The following RFT1 variants were observed in gnomAD, a reference collection of about 807,000 sequenced individuals.
RFT1 encodes the protein RFT1 glycolipid translocator homolog, also known as man(5)GlcNAc(2)-PP-dolichol translocation protein RFT1.
A neutral mutation model predicts 62.2 loss-of-function variants in RFT1; 43 were observed. The observed-to-expected ratio is 0.69, with a 90% CI of 0.54 to 0.89. RFT1 has a LOEUF of 0.89. Among genes scored for constraint, RFT1 ranks in the 40% least tolerant of loss-of-function variants. RFT1 has a pLI of 0.00. For missense variants in RFT1, 605 were observed against 649.9 expected (o/e 0.93, Z 0.75); for synonymous variants, 262 against 264.6 (o/e 0.99, Z 0.10).
chr3:53,128,308 A>G (rs540843629), intron 1 of RFT1, among the ~76,000 whole-genome samples: 1 of 152,134 alleles, frequency 6.6e-6, no homozygotes, highest in Non-Finnish European at 1.5e-5. Flanking sequence ...GAAAACAAAA[A>G]ACAAAACACC....
At chr3:53,100,638 CTT>C (rs1229001990) in intron 10 of RFT1, among the ~76,000 whole-genome samples, 1 of 152,178 alleles carries the variant, frequency 6.6e-6, no homozygotes, top group Non-Finnish European at 1.5e-5. Context: ...ATCTCAAAAA[CTT>C]TATATTGAAG....
intron 1 of RFT1, among the ~76,000 whole-genome samples, chr3:53,128,349 T>C (rs888368815): frequency 1.3e-5 from 2 of 152,222 alleles, no homozygotes; most frequent in East Asian, 3.8e-4. Context: ...ACCTCAAAGT[T>C]ACCACTGTCT....
At chr3:53,125,762 G>A (rs751193705) in intron 2 of RFT1, 147 bp downstream of exon 2, 13 of 649,548 alleles carry the variant, frequency 2.0e-5, no homozygotes, top group Non-Finnish European at 3.6e-5. Flanking sequence ...ACTCCTGCAC[G>A]CTTCTCCTCA....
downstream of RFT1, among the ~76,000 whole-genome samples, chr3:53,084,535 A>C (rs1355621938): frequency 6.6e-6 from 1 of 152,154 alleles, no homozygotes; most frequent in Non-Finnish European, 1.5e-5. Flanking sequence ...GTCACCTCCA[A>C]TGTGACTAAT....
intron 6 of RFT1, among the ~76,000 whole-genome samples, chr3:53,118,424 G>T (rs1454268540): frequency 3.3e-5 from 5 of 152,132 alleles, no homozygotes; most frequent in African/African-American, 1.2e-4. Flanking sequence ...TTAGGTTATA[G>T]GTAAAATCTA....
At chr3:53,071,644 A>C in the RFT1 span, among the ~76,000 whole-genome samples, 1 of 152,202 alleles carries the variant, frequency 6.6e-6, no homozygotes, top group Non-Finnish European at 1.5e-5. Flanking sequence ...AGCTCAGCTT[A>C]GACTCAGGCT....
chr3:53,068,190 G>A, the RFT1 span, among the ~76,000 whole-genome samples: 3,124 of 152,224 alleles, frequency 0.021, 42 homozygotes, highest in Middle Eastern at 0.034. Context: ...CACCCAATAT[G>A]AGCCAACCTT....
intron 6 of RFT1, among the ~76,000 whole-genome samples, 181 bp downstream of exon 6, chr3:53,119,703 C>T (rs549251351): frequency 2.0e-5 from 3 of 152,266 alleles, no homozygotes; most frequent in South Asian, 4.1e-4. Context: ...AATTGAGCAG[C>T]CCAAAATGTC....
At chr3:53,122,905 C>T (rs1355885144) in intron 3 of RFT1, among the ~76,000 whole-genome samples, 1 of 152,188 alleles carries the variant, frequency 6.6e-6, no homozygotes, top group Non-Finnish European at 1.5e-5. Context: ...ACATACTGAC[C>T]CCATAAGCAA....
intron 4 of RFT1, 58 bp from the exon 5 acceptor site, chr3:53,121,858 T>C (rs1198286525): frequency 2.9e-6 from 4 of 1,402,348 alleles, no homozygotes; most frequent in Non-Finnish European, 4.0e-6. Flanking sequence ...CAAGATGTAA[T>C]GGAATGATAG....
At chr3:53,095,393 A>G (rs1575480820) in intron 11 of RFT1, among the ~76,000 whole-genome samples, 1 of 151,920 alleles carries the variant, frequency 6.6e-6, no homozygotes. Flanking sequence ...TCCCAAGAAA[A>G]TACTGGACTT....
the RFT1 span, among the ~76,000 whole-genome samples, chr3:53,073,015 G>A: frequency 1.3e-5 from 2 of 152,208 alleles, no homozygotes; most frequent in Non-Finnish European, 1.5e-5. Flanking sequence ...CTTCATCTCC[G>A]AGCACCTTTG....
Position 53,105,712 on chromosome 3 carries a change from C to T in RFT1, c.918G>A (p.Lys306=). The T allele has an allele frequency of 6.2e-7, 1 of 1,613,816 alleles. No homozygotes were observed. The highest frequency in any genetic ancestry group is 8.5e-7 in the Non-Finnish European group (1 of 1,179,888). The part of the protein sequence containing the change: ...IEESFYIFFA[K]VLERGKDATL... ...TGGCATCCTTTCCCCTCTCCAGCAC[C>T]TTAGCAAAAAATATATAAAAACTTT... is the stretch of plus-strand genomic sequence containing the variant. Residue 306 remains lysine, a synonymous_variant, in exon 9 of 13, where the codon AAG becomes AAA. Transcript: ENST00000296292.
chr3:53,108,741 C>T (rs143379895), intron 7 of RFT1, among the ~76,000 whole-genome samples: 6 of 150,394 alleles, frequency 4.0e-5, no homozygotes, highest in African/African-American at 1.5e-4. Flanking sequence ...GCTCTTGTCG[C>T]CCAAGCTGGA....
intron 11 of RFT1, among the ~76,000 whole-genome samples, chr3:53,099,039 A>C (rs1000345676): frequency 3.3e-5 from 5 of 152,008 alleles, no homozygotes; most frequent in Non-Finnish European, 7.4e-5. Flanking sequence ...CTGGAGGACC[A>C]CTCTTCTGGG....
the RFT1 span, among the ~76,000 whole-genome samples, chr3:53,074,306 C>T: frequency 2.0e-5 from 3 of 152,244 alleles, no homozygotes; most frequent in African/African-American, 7.2e-5. Flanking sequence ...CTAGTTCTCA[C>T]TGCCTAAGTC....
At chr3:53,112,479 C>T (rs1428386894) in intron 6 of RFT1, among the ~76,000 whole-genome samples, 1 of 152,194 alleles carries the variant, frequency 6.6e-6, no homozygotes, top group South Asian at 2.1e-4. Context: ...AGGTTGCTCA[C>T]GCCTATAATC....
chr3:53,078,863 A>C, the RFT1 span, among the ~76,000 whole-genome samples: 2 of 152,154 alleles, frequency 1.3e-5, no homozygotes, highest in African/African-American at 4.8e-5. Flanking sequence ...ATTCCACCCC[A>C]AAGAACTGCT....
At position 53,091,757 on chromosome 3, in the gene RFT1, G is replaced by A. The variant is rs72965388; in HGVS notation, c.*146C>T. On this transcript the variant is annotated 3_prime_UTR_variant, in exon 13 of 13. Transcript: ENST00000296292. ...CTTCGAATGGTCACAGGTGTCTCAT[G>A]CAGTGGCACTCTCTGGTGCCTCATC... 9.7e-3 allele frequency: 8,029 copies of A among 825,930 alleles called. 484 individuals carry two copies. The African/African-American group carries it at 0.12, about 12-fold the overall frequency. 51.2% of individuals were successfully genotyped at this position (825,930 alleles called of 1,614,324 possible).
Sources: gnomAD v4.1 joint callset for allele counts (sites outside exome capture counted in the v4.1 genomes callset) on GRCh38, gnomAD v4.1.1 for gene constraint, MANE v1.5 for transcripts, NCBI Gene and HGNC (gene_info 2026-07-23, HGNC 2026-07-21) for gene names.